ATF3: variants seen among roughly 807,000 people sequenced by gnomAD.
ATF3 encodes activating transcription factor 3.
ATF3 carries 10 observed loss-of-function variants against 18.4 expected under a neutral mutation model. The ratio of observed to expected loss-of-function variants is 0.54; its 90% CI spans 0.34 to 0.92. The LOEUF is 0.92. ATF3 is among the 40% of genes least tolerant of loss of function. The probability of loss-of-function intolerance (pLI) is 0.02; values close to 1 mark genes in which losing one functional copy is unlikely to be tolerated. For missense variants in ATF3, 183 were observed against 222.3 expected (o/e 0.82, Z 1.12); for synonymous variants, 78 against 87.9 (o/e 0.89, Z 0.63).
intron 1 of ATF3, among the ~76,000 whole-genome samples, chr1:212,573,552 C>T (rs1236730589): frequency 6.6e-6 from 1 of 151,694 alleles, no homozygotes; most frequent in Non-Finnish European, 1.5e-5. Context: ...TTTGAGCTGT[C>T]TTTTTCAGGG....
intron 1 of ATF3, among the ~76,000 whole-genome samples, chr1:212,598,539 A>G (rs9430097): frequency 2.0e-5 from 3 of 152,106 alleles, no homozygotes; most frequent in Admixed American, 1.3e-4. Context: ...TTGCGGTGCT[A>G]TCAATAGTAG....
At chr1:212,617,873 T>G (rs906946182) in intron 2 of ATF3, among the ~76,000 whole-genome samples, 2 of 152,250 alleles carry the variant, frequency 1.3e-5, no homozygotes, top group African/African-American at 4.8e-5. Context: ...ATTGGCTAAC[T>G]TTTAATTTAC....
In ATF3 at chr1:212,619,561, C is replaced by G; in HGVS notation, c.*6C>G. Reference sequence around the variant, plus strand: ...AAGGAACATTGCAGAGCTAAGCAGTCGTGGTATGGGGGCGACTGGGGAGTC... The same window carrying G: ...AAGGAACATTGCAGAGCTAAGCAGTGGTGGTATGGGGGCGACTGGGGAGTC... On this transcript the variant is annotated 3_prime_UTR_variant, in exon 4 of 4. Transcript: ENST00000341491. This position sits in a 1 kb window ranked among gnomAD's most constrained non-coding sequence, Gnocchi z 4.4. 1 of 1,613,846 alleles carries G rather than the reference C, an allele frequency of 6.2e-7. No homozygotes were observed. Among genetic ancestry groups the G allele is most frequent in the Non-Finnish European group, 8.5e-7 (1 of 1,179,900 alleles).
At chr1:212,574,427 A>G (rs1048562352) in intron 1 of ATF3, among the ~76,000 whole-genome samples, 3 of 152,068 alleles carry the variant, frequency 2.0e-5, no homozygotes, top group Non-Finnish European at 2.9e-5. Flanking sequence ...TTCTTAAAAT[A>G]TCTCTCATTT....
intron 1 of ATF3, among the ~76,000 whole-genome samples, chr1:212,603,675 A>G (rs1654544834): frequency 6.6e-6 from 1 of 152,202 alleles, no homozygotes; most frequent in African/African-American, 2.4e-5. Context: ...AGTTATGGTA[A>G]TAAGAATCAG....
At chr1:212,606,132 C>G (rs566692004), upstream of ATF3, among the ~76,000 whole-genome samples, 2 of 152,288 alleles carry the variant, frequency 1.3e-5, no homozygotes, top group Admixed American at 6.5e-5. Flanking sequence ...TGGCAAAGAC[C>G]TCAGGGGCTC....
chr1:212,607,716 G>T (rs1354717232), upstream of ATF3, among the ~76,000 whole-genome samples: 2 of 152,190 alleles, frequency 1.3e-5, no homozygotes, highest in Non-Finnish European at 2.9e-5. Context: ...CCTGAGAGCG[G>T]GGCGACCCCC....
chr1:212,613,779 C>A (rs1654989815), intron 1 of ATF3: 1 of 152,404 alleles, frequency 6.6e-6, no homozygotes, highest in Non-Finnish European at 1.5e-5. Context: ...ATGGCCACCA[C>A]TGGAGGGAGT....
intron 1 of ATF3, among the ~76,000 whole-genome samples, chr1:212,610,405 C>T (rs1654847592): frequency 6.6e-6 from 1 of 152,072 alleles, no homozygotes; most frequent in Admixed American, 6.6e-5. Context: ...ATTACTGTCC[C>T]CATTGTTTTG....
At chr1:212,574,988 A>G (rs1287312796) in intron 1 of ATF3, among the ~76,000 whole-genome samples, 2 of 151,670 alleles carry the variant, frequency 1.3e-5, no homozygotes, top group African/African-American at 4.9e-5. Flanking sequence ...GAATTTTAGA[A>G]TTAGCTTCTT....
Position 212,619,589 on chromosome 1 carries a change from C to A in ATF3, c.*34C>A. The A allele has an allele frequency of 6.2e-7, 1 of 1,611,158 alleles. No individual in the cohort carries two copies. The highest frequency in any genetic ancestry group is 8.5e-7 in the Non-Finnish European group (1 of 1,178,570). ...GGTATGGGGGCGACTGGGGAGTCCT[C>A]ATTGAATCCTCATTTTATACCCAAA... On this transcript the variant is annotated 3_prime_UTR_variant, in exon 4 of 4. Transcript: ENST00000341491. This position sits in a 1 kb window ranked among gnomAD's most constrained non-coding sequence, Gnocchi z 4.4.
chr1:212,611,775 A>G (rs1654903232), intron 1 of ATF3, among the ~76,000 whole-genome samples: 1 of 152,260 alleles, frequency 6.6e-6, no homozygotes, highest in South Asian at 2.1e-4. Flanking sequence ...TTAAAGGAAT[A>G]CATGAGTAAA....
Position 212,619,366 on chromosome 1 carries a change from G to T in ATF3, c.357G>T (p.Glu119Asp), listed in dbSNP as rs749018719. The stretch of plus-strand genomic sequence containing the variant: ...TGTTGCTTGTCCCCCAGGAGTCGGA[G>T]AAGCTGGAAAGTGTGAATGCTGAAC... ...EKTECLQKES[E>D]KLESVNAELK... The change falls in exon 4 of 4, where the codon GAG becomes GAT. Residue 119 changes from glutamate to aspartate, a missense_variant. By Grantham distance (45) the Glu-to-Asp change is conservative. Transcript: ENST00000341491. This position sits in a 1 kb window ranked among gnomAD's most constrained non-coding sequence, Gnocchi z 4.4. 6.2e-7 allele frequency: 1 copy of T among 1,613,476 alleles called. No individual in the cohort carries two copies. Among genetic ancestry groups the T allele is most frequent in the South Asian group, 1.1e-5 (1 of 91,030 alleles).
intron 2 of ATF3, among the ~76,000 whole-genome samples, chr1:212,617,782 G>A (rs560042615): frequency 1.3e-5 from 2 of 152,188 alleles, no homozygotes; most frequent in East Asian, 1.9e-4. Flanking sequence ...AATCTGTTTC[G>A]GCTTTAAATG....
In ATF3 at chr1:212,618,418, A is replaced by G. The variant is rs1334877371; in HGVS notation, c.348+184A>G. On this transcript the variant is annotated intron_variant, in intron 3 of 3. Coordinates refer to ENST00000341491, the MANE Select transcript of ATF3 (RefSeq NM_001674.4). The surrounding 1 kb of genome is among the most constrained non-coding windows in gnomAD (Gnocchi z 4.4). Reference sequence around the variant, plus strand: ...GGTGGCAAAGCAGTTAACACAATGGATGTGACGGTGGATGTATAAAAACAG... The same window carrying G: ...GGTGGCAAAGCAGTTAACACAATGGGTGTGACGGTGGATGTATAAAAACAG... 4.2e-5 allele frequency: 29 copies of G among 684,360 alleles called. No individual in the cohort carries two copies. The highest frequency in any genetic ancestry group is 7.1e-5 in the Non-Finnish European group (27 of 379,136). 42.4% of individuals were successfully genotyped at this position (684,360 alleles called of 1,614,324 possible).
chr1:212,613,998 C>T (rs1571790628), intron 1 of ATF3: 1 of 152,140 alleles, frequency 6.6e-6, no homozygotes, highest in Admixed American at 6.5e-5. Flanking sequence ...AACCTTGGAC[C>T]GTGGGGGCCA....
intron 1 of ATF3, among the ~76,000 whole-genome samples, chr1:212,612,142 A>C (rs1236479534): frequency 6.6e-6 from 1 of 152,194 alleles, no homozygotes; most frequent in Non-Finnish European, 1.5e-5. Context: ...CTCGACAGAT[A>C]CATCTGTTTT....
chr1:212,594,300 T>C (rs934567007), intron 1 of ATF3, among the ~76,000 whole-genome samples: 2 of 152,256 alleles, frequency 1.3e-5, no homozygotes, highest in African/African-American at 2.4e-5. Context: ...GACTAGAATA[T>C]GTTTTATTGC....
At chr1:212,615,781 G>A (rs1298419906) in intron 2 of ATF3, among the ~76,000 whole-genome samples, 1 of 148,428 alleles carries the variant, frequency 6.7e-6, no homozygotes, top group Non-Finnish European at 1.5e-5. Flanking sequence ...TCCAGCCTGG[G>A]TGATGGAGCA....
Sources: allele counts gnomAD v4.1 joint callset (sites outside exome capture counted in the v4.1 genomes callset), GRCh38; gene constraint gnomAD v4.1.1; non-coding constraint Gnocchi (gnomAD v3.1); transcripts MANE v1.5; gene names NCBI Gene and HGNC (gene_info 2026-07-23, HGNC 2026-07-21).